MARCHF1: variants seen among roughly 807,000 people sequenced by gnomAD.
MARCHF1 encodes membrane associated ring-CH-type finger 1, also known as E3 ubiquitin-protein ligase MARCHF1.
MARCHF1 carries 40 observed loss-of-function variants against 54.2 expected under a neutral mutation model. That is an observed-to-expected ratio of 0.74 (90% CI 0.57 to 0.96). MARCHF1 has a LOEUF of 0.96. Among genes scored for constraint, MARCHF1 ranks in the 40% least tolerant of loss-of-function variants. The pLI is 0.00. For synonymous variants in MARCHF1, 236 were observed against 236.3 expected (o/e 1.00, Z 0.01); for missense variants, 586 against 656.5 (o/e 0.89, Z 1.17).
At chr4:164,099,905 G>A (rs1008957041) in intron 2 of MARCHF1, among the ~76,000 whole-genome samples, 1 of 152,012 alleles carries the variant, frequency 6.6e-6, no homozygotes, top group Non-Finnish European at 1.5e-5. Flanking sequence ...TTATGAACAA[G>A]GAAGAAGAAA....
intron 1 of MARCHF1, among the ~76,000 whole-genome samples, chr4:164,265,132 T>G (rs1733576531): frequency 6.6e-6 from 1 of 152,102 alleles, no homozygotes; most frequent in Admixed American, 6.6e-5. Context: ...TGAATCTCAT[T>G]CATAATATAA....
intron 1 of MARCHF1, among the ~76,000 whole-genome samples, chr4:164,341,074 T>G (rs1729913634): frequency 6.6e-6 from 1 of 152,064 alleles, no homozygotes; most frequent in Non-Finnish European, 1.5e-5. Context: ...GATGGTACAT[T>G]TGTACATCTC....
chr4:163,942,332 A>G (rs76205972), intron 3 of MARCHF1, among the ~76,000 whole-genome samples: 2,020 of 152,316 alleles, frequency 0.013, 46 homozygotes, highest in African/African-American at 0.046. Context: ...TTTTAGAAGC[A>G]TACCCTTCTG....
rs138252990 is a variant in MARCHF1, at chr4:164,343,769, T to A, written c.-323+40101A>T. ...GCCGAGAAATGGAAACACTTATACA[T>A]TGCTGATGGAAATGTAAATTAGTTC... is the stretch of plus-strand genomic sequence containing the variant. On this transcript the variant is annotated intron_variant, in intron 1 of 9. Transcript: ENST00000514618. 3.1e-3 allele frequency among the ~76,000 whole-genome samples: 471 copies of A among 152,242 alleles called. 2 individuals carry two copies. The highest frequency in any genetic ancestry group is 0.011 in the African/African-American group (448 of 41,554).
intron 3 of MARCHF1, among the ~76,000 whole-genome samples, chr4:163,870,887 C>A (rs760922561): frequency 7.9e-5 from 12 of 152,002 alleles, no homozygotes; most frequent in Non-Finnish European, 8.8e-5. Flanking sequence ...AAAATTACAG[C>A]TAGATTAAGG....
At chr4:163,786,628 A>G (rs552707870) in intron 4 of MARCHF1, among the ~76,000 whole-genome samples, 3 of 152,092 alleles carry the variant, frequency 2.0e-5, no homozygotes, top group Non-Finnish European at 2.9e-5. Context: ...TTAGACTTAC[A>G]TATCAAAAAA....
chr4:163,984,224 A>T (rs1056379335), intron 3 of MARCHF1, among the ~76,000 whole-genome samples: 1 of 152,166 alleles, frequency 6.6e-6, no homozygotes, highest in Non-Finnish European at 1.5e-5. Context: ...AAGAAAAACT[A>T]AATATTCTTT....
intron 4 of MARCHF1, among the ~76,000 whole-genome samples, chr4:163,741,045 T>C (rs1344140605): frequency 3.9e-5 from 6 of 152,186 alleles, no homozygotes; most frequent in African/African-American, 9.7e-5. Context: ...TTTGTCTACT[T>C]AGTCTTTGTA....
chr4:164,196,811 C>T (rs1482947226), intron 1 of MARCHF1, among the ~76,000 whole-genome samples: 1 of 152,062 alleles, frequency 6.6e-6, no homozygotes, highest in East Asian at 1.9e-4. Context: ...GCCTCCTGCC[C>T]TCCCTCCCTC....
At chr4:164,000,810 A>C (rs901100551) in intron 2 of MARCHF1, among the ~76,000 whole-genome samples, 15 of 151,672 alleles carry the variant, frequency 9.9e-5, no homozygotes, top group African/African-American at 3.6e-4. Flanking sequence ...ATAGAAAAAC[A>C]ACCACCTAAT....
At chr4:163,892,393 T>C (rs1223514680) in intron 3 of MARCHF1, among the ~76,000 whole-genome samples, 3 of 152,054 alleles carry the variant, frequency 2.0e-5, no homozygotes, top group African/African-American at 4.8e-5. Context: ...CACTTCAAGT[T>C]TGTCACAATC....
At chr4:164,172,141 A>G (rs1228144498) in intron 1 of MARCHF1, among the ~76,000 whole-genome samples, 1 of 152,194 alleles carries the variant, frequency 6.6e-6, no homozygotes. Flanking sequence ...TCTCTAGTCT[A>G]TAAGAGCAGA....
intron 4 of MARCHF1, among the ~76,000 whole-genome samples, chr4:163,818,018 G>T (rs972427360): frequency 4.7e-5 from 7 of 149,042 alleles, no homozygotes; most frequent in Non-Finnish European, 1.0e-4. Context: ...GCTAAATGAC[G>T]AGTTAATGGG....
chr4:164,188,566 G>C (rs1396881614), intron 1 of MARCHF1: 1 of 776,698 alleles, frequency 1.3e-6, no homozygotes, highest in Non-Finnish European at 2.4e-6. Flanking sequence ...GCATCACGCG[G>C]TCCTATGTGC....
intron 1 of MARCHF1, among the ~76,000 whole-genome samples, chr4:164,283,937 G>A (rs969841677): frequency 1.3e-5 from 2 of 150,904 alleles, no homozygotes; most frequent in Non-Finnish European, 2.9e-5. Context: ...AGCACTTTCA[G>A]TTCAAAGAGA....
chr4:164,284,798 G>A (rs1284745207), intron 1 of MARCHF1, among the ~76,000 whole-genome samples: 1 of 150,966 alleles, frequency 6.6e-6, no homozygotes, highest in Non-Finnish European at 1.5e-5. Context: ...GAAGTAGCAA[G>A]CAGTTCAATA....
intron 4 of MARCHF1, among the ~76,000 whole-genome samples, chr4:163,723,469 T>G (rs1745546713): frequency 6.6e-6 from 1 of 152,208 alleles, no homozygotes; most frequent in Non-Finnish European, 1.5e-5. Flanking sequence ...TTTTCCTTCA[T>G]TTCAACTTTG....
chr4:163,700,254 C>A (rs1451364864), intron 5 of MARCHF1, among the ~76,000 whole-genome samples: 4 of 152,202 alleles, frequency 2.6e-5, no homozygotes, highest in African/African-American at 9.6e-5. Context: ...CTCCTGTAAT[C>A]CCAATACTTT....
intron 3 of MARCHF1, among the ~76,000 whole-genome samples, chr4:163,929,099 A>C (rs1751599581): frequency 6.6e-6 from 1 of 152,030 alleles, no homozygotes; most frequent in African/African-American, 2.4e-5. Flanking sequence ...AATAGAGCTT[A>C]AGTAGGATAC....
Sources: allele counts gnomAD v4.1 joint callset (sites outside exome capture counted in the v4.1 genomes callset), GRCh38; gene constraint gnomAD v4.1.1; transcripts MANE v1.5; gene names NCBI Gene and HGNC (gene_info 2026-07-23, HGNC 2026-07-21).